Variants in NELL2 observed in about 807,000 individuals in gnomAD.
NELL2 encodes the protein neural EGFL like 2.
Under a neutral mutation model 109.6 loss-of-function variants are expected in NELL2, and 41 were observed. The ratio of observed to expected loss-of-function variants is 0.37; its 90% confidence interval spans 0.29 to 0.49. The LOEUF is 0.49. NELL2 is among the 20% of genes least tolerant of loss of function. NELL2 has a pLI of 0.98. For missense variants in NELL2, 900 were observed against 1,008.3 expected (o/e 0.89, Z 1.45); for synonymous variants, 355 against 344.7 (o/e 1.03, Z -0.33).
Position 44,676,335 on chromosome 12 carries a change from A to T in NELL2, c.1319-10726T>A, listed in dbSNP as rs530983957. 2.6e-5 allele frequency among the ~76,000 whole-genome samples: 4 copies of T among 152,270 alleles called. No individual in the cohort carries two copies. The South Asian group carries it at 8.3e-4, about 32-fold the overall frequency. The stretch of plus-strand genomic sequence containing the variant: ...AGATAAGAATTTTTTTAAATATAAA[A>T]TTTCTAAGTTTAAGTAGGCTGCTCA... On this transcript the variant is annotated intron_variant, in intron 12 of 19. Coordinates refer to ENST00000429094, the MANE Select transcript of NELL2 (RefSeq NM_001145108.2).
At position 44,876,042 on chromosome 12, in the gene NELL2, C is replaced by A; in HGVS notation, c.-173G>T. 1 of 1,475,752 alleles carries A rather than the reference C, an allele frequency of 6.8e-7. No individual in the cohort carries two copies. The highest frequency in any genetic ancestry group is 2.5e-5 in the East Asian group (1 of 40,202). 91.4% of individuals were successfully genotyped at this position (1,475,752 alleles called of 1,614,324 possible). ...GCCTAAGAAAGAAAAGGGAGGCCTC[C>A]CCAGGCGCGTGAAGAACTTAGACCC... On this transcript the variant is annotated 5_prime_UTR_variant, in exon 1 of 20. An upstream open reading frame in the 5' UTR gains an earlier in-frame stop. Transcript: ENST00000429094.
intron 15 of NELL2, among the ~76,000 whole-genome samples, chr12:44,590,198 A>G: frequency 6.6e-6 from 1 of 152,052 alleles, no homozygotes; most frequent in Non-Finnish European, 1.5e-5. Flanking sequence ...TTTTGCATAT[A>G]TATTTTTATA....
At chr12:44,845,193 T>C (rs1944335306) in intron 2 of NELL2, among the ~76,000 whole-genome samples, 1 of 152,232 alleles carries the variant, frequency 6.6e-6, no homozygotes, top group South Asian at 2.1e-4. Flanking sequence ...CTAGCCTTCC[T>C]ATTATATTGT....
intron 14 of NELL2, among the ~76,000 whole-genome samples, chr12:44,609,295 G>A (rs1945522415): frequency 1.3e-5 from 2 of 152,040 alleles, no homozygotes; most frequent in South Asian, 4.1e-4. Flanking sequence ...CCTCAACAGT[G>A]TATTTGATAA....
At chr12:44,842,064 G>T (rs1016607746) in intron 2 of NELL2, among the ~76,000 whole-genome samples, 1 of 142,886 alleles carries the variant, frequency 7.0e-6, no homozygotes. Context: ...TGAAAGGAAA[G>T]AAGAAAGCAA....
chr12:44,755,839 T>C (rs1940866169), intron 9 of NELL2, among the ~76,000 whole-genome samples: 1 of 152,224 alleles, frequency 6.6e-6, no homozygotes, highest in Admixed American at 6.5e-5. Flanking sequence ...CTTCTTTGTC[T>C]GGAGATCAAA....
chr12:44,779,603 CT>C, intron 5 of NELL2, 59 bp downstream of exon 5: 1 of 1,351,884 alleles, frequency 7.4e-7, no homozygotes, highest in African/African-American at 1.5e-5. Context: ...GTAAAATCTA[CT>C]TTTTGAAACT....
At chr12:44,742,874 G>A (rs11182627) in intron 9 of NELL2, among the ~76,000 whole-genome samples, 4 of 152,094 alleles carry the variant, frequency 2.6e-5, no homozygotes, top group African/African-American at 7.2e-5. Context: ...TGGAAAACAC[G>A]ATGCAGGATA....
intron 12 of NELL2, among the ~76,000 whole-genome samples, chr12:44,702,511 T>G (rs1402781575): frequency 6.6e-6 from 1 of 152,220 alleles, no homozygotes; most frequent in African/African-American, 2.4e-5. Flanking sequence ...AGTTTCATGT[T>G]ATACATATAA....
intron 2 of NELL2, among the ~76,000 whole-genome samples, chr12:44,821,644 C>T (rs1054548222): frequency 6.6e-6 from 1 of 152,062 alleles, no homozygotes; most frequent in Admixed American, 6.5e-5. Context: ...CTGACATTGA[C>T]CATTAAATCA....
intron 14 of NELL2, among the ~76,000 whole-genome samples, chr12:44,610,251 A>G (rs1193902537): frequency 6.6e-6 from 1 of 151,786 alleles, no homozygotes; most frequent in Non-Finnish European, 1.5e-5. Context: ...CAAAAAAAAA[A>G]AAACAAAAAA....
intron 2 of NELL2, among the ~76,000 whole-genome samples, chr12:44,843,741 G>T (rs1944293108): frequency 1.3e-5 from 2 of 152,128 alleles, no homozygotes; most frequent in African/African-American, 4.8e-5. Context: ...TGAAGCCTTG[G>T]CCTGGCGTGG....
chr12:44,600,571 T>G (rs1185553592), intron 15 of NELL2, among the ~76,000 whole-genome samples: 1 of 152,230 alleles, frequency 6.6e-6, no homozygotes. Flanking sequence ...AATTTATGAA[T>G]GAGAAAATTG....
At chr12:44,886,068 T>C (rs992186898) in intron 1 of NELL2, among the ~76,000 whole-genome samples, 1 of 109,050 alleles carries the variant, frequency 9.2e-6, no homozygotes, top group Admixed American at 1.0e-4. Context: ...GCCAGAACAA[T>C]GGAACATCCA....
intron 12 of NELL2, among the ~76,000 whole-genome samples, chr12:44,685,111 A>G (rs1359872929): frequency 1.3e-5 from 2 of 152,130 alleles, no homozygotes; most frequent in African/African-American, 2.4e-5. Context: ...CCTGTATTGG[A>G]TGCATATATA....
intron 13 of NELL2, among the ~76,000 whole-genome samples, chr12:44,617,919 A>C (rs1045285611): frequency 6.6e-6 from 1 of 152,050 alleles, no homozygotes; most frequent in African/African-American, 2.4e-5. Flanking sequence ...TTCTCCTCAC[A>C]ATCTTTTCTG....
chr12:44,896,515 G>A (rs1945594474), intron 1 of NELL2, among the ~76,000 whole-genome samples: 1 of 152,170 alleles, frequency 6.6e-6, no homozygotes, highest in Non-Finnish European at 1.5e-5. Flanking sequence ...AGCTAAAGTG[G>A]TGTATATTTC....
Position 44,706,659 on chromosome 12 carries a change from T to C in NELL2, c.1190-2805A>G, listed in dbSNP as rs955827422. 2.6e-5 allele frequency among the ~76,000 whole-genome samples: 4 copies of C among 152,190 alleles called. No homozygotes were observed. The South Asian group carries it at 8.3e-4, about 31-fold the overall frequency. On this transcript the variant is annotated intron_variant, in intron 11 of 19. Coordinates refer to ENST00000429094, the MANE Select transcript of NELL2 (RefSeq NM_001145108.2). ...TGAAATTATCTATGTAAAAGCATAATAATATATTATTCGTTAATAACTAAA... is the reference window on the plus strand; with the variant it reads ...TGAAATTATCTATGTAAAAGCATAACAATATATTATTCGTTAATAACTAAA...
chr12:44,686,961 C>T (rs929201894), intron 12 of NELL2, among the ~76,000 whole-genome samples: 1 of 152,212 alleles, frequency 6.6e-6, no homozygotes, highest in African/African-American at 2.4e-5. Context: ...AGCTTCCCTG[C>T]TGCTTTGTTT....
Sources: gnomAD v4.1 joint callset for allele counts (sites outside exome capture counted in the v4.1 genomes callset) on GRCh38, gnomAD v4.1.1 for gene constraint, MANE v1.5 for transcripts, NCBI Gene and HGNC (gene_info 2026-07-23, HGNC 2026-07-21) for gene names.